The following EBAG9 variants were observed in gnomAD, a reference collection of about 807,000 sequenced individuals.
EBAG9 encodes the protein estrogen receptor binding site associated antigen 9, also known as receptor-binding cancer antigen expressed on SiSo cells.
EBAG9 carries 16 observed loss-of-function variants against 30.9 expected under a neutral mutation model. The observed-to-expected ratio is 0.52, with a 90% CI of 0.35 to 0.79. The LOEUF (loss-of-function observed/expected upper bound fraction) is 0.79. Among genes scored for constraint, EBAG9 ranks in the 30% least tolerant of loss-of-function variants. EBAG9 has a pLI of 0.01. For missense variants in EBAG9, 197 were observed against 242.1 expected, an observed-to-expected ratio of 0.81 and a Z score of 1.24; for synonymous variants, 93 against 82.8, an observed-to-expected ratio of 1.12 and a Z score of -0.67.
chr8:109,553,288 A>G (rs1457807562), intron 2 of EBAG9, among the ~76,000 whole-genome samples: 6 of 152,206 alleles, frequency 3.9e-5, no homozygotes, highest in African/African-American at 1.4e-4. Context: ...AACTAGACAT[A>G]ATAGAAGTAA....
chr8:109,541,441 A>G (rs1051961002), intron 1 of EBAG9, among the ~76,000 whole-genome samples: 4 of 152,118 alleles, frequency 2.6e-5, no homozygotes, highest in Non-Finnish European at 4.4e-5. Flanking sequence ...AAGTCTGTCA[A>G]CCTCATCTAT....
chr8:109,550,084 G>A lies in EBAG9; in HGVS notation c.-15-726G>A, dbSNP rs529471036. Among the ~76,000 whole-genome samples the A allele has an allele frequency of 2.0e-4, 30 of 152,066 alleles. No individual in the cohort carries two copies. The East Asian group carries it at 3.9e-3, about 20-fold the overall frequency. Reference sequence around the variant, plus strand: ...AGATTATTGATATGGTTAGATTTACGTCTGTCATCTTATTTGTTTTTGGCT... The same window carrying A: ...AGATTATTGATATGGTTAGATTTACATCTGTCATCTTATTTGTTTTTGGCT... On this transcript the variant is annotated intron_variant, in intron 1 of 6. Coordinates refer to ENST00000337573, the MANE Select transcript of EBAG9 (RefSeq NM_004215.5).
rs1230681750 is a variant in EBAG9 at position 109,540,266 on chromosome 8, C to G, written c.-211C>G. On this transcript the variant is annotated 5_prime_UTR_variant, in exon 1 of 7. Coordinates refer to ENST00000337573, the MANE Select transcript of EBAG9 (RefSeq NM_004215.5). ...GCACGCAGCCTCCAAAGCCGCCTTC[C>G]TCAGGGAAATTTGCGTGACCTTACT... 1.3e-5 allele frequency: 2 copies of G among 152,526 alleles called. No homozygotes were observed. Among genetic ancestry groups the G allele is most frequent in the African/African-American group, 4.8e-5 (2 of 41,464 alleles). 9.4% of individuals were successfully genotyped at this position (152,526 alleles called of 1,614,324 possible).
At chr8:109,548,507 G>T (rs888186707) in intron 1 of EBAG9, among the ~76,000 whole-genome samples, 1 of 152,134 alleles carries the variant, frequency 6.6e-6, no homozygotes, top group African/African-American at 2.4e-5. Flanking sequence ...AAATTAGCTT[G>T]TCAAGTTTTA....
intron 1 of EBAG9, among the ~76,000 whole-genome samples, chr8:109,546,394 G>GT (rs1377251116): frequency 3.9e-5 from 6 of 152,166 alleles, no homozygotes; most frequent in African/African-American, 1.2e-4. Context: ...AACTGAAGCC[G>GT]TAAGTATATC....
intron 1 of EBAG9, among the ~76,000 whole-genome samples, chr8:109,544,475 T>A (rs893900799): frequency 1.3e-5 from 2 of 152,250 alleles, no homozygotes; most frequent in African/African-American, 4.8e-5. Context: ...TTGTTTCACC[T>A]TGAGCAGAAC....
intron 2 of EBAG9, among the ~76,000 whole-genome samples, chr8:109,551,660 A>G (rs1821497070): frequency 6.6e-6 from 1 of 152,196 alleles, no homozygotes; most frequent in Non-Finnish European, 1.5e-5. Flanking sequence ...TGTTTGAGAT[A>G]AGTTTTTGTT....
In EBAG9 at chr8:109,564,713, C is replaced by T; in HGVS notation, c.*154C>T. 1 of 1,064,868 alleles carries T rather than the reference C, an allele frequency of 9.4e-7. No homozygotes were observed. The allele number at this position is 1,064,868 out of a possible 1,614,324, so 66.0% of individuals were successfully genotyped here. A position where few individuals can be genotyped will look rare whatever the true frequency, so the allele number is the denominator to read the frequency against. On this transcript the variant is annotated 3_prime_UTR_variant, in exon 7 of 7. Transcript: ENST00000337573. ...AGGACACCACGATTCTCCCAAAGTA[C>T]CTTGAACTCTTAGTGATTGAGACTC... is the stretch of plus-strand genomic sequence containing the variant.
chr8:109,554,659 A>G (rs913643774), intron 3 of EBAG9, 70 bp from the exon 4 acceptor site: 1 of 1,476,052 alleles, frequency 6.8e-7, no homozygotes. Flanking sequence ...CCATTTTTCT[A>G]ATAAATCATC....
chr8:109,559,920 T>TA (rs1286468219), intron 5 of EBAG9, among the ~76,000 whole-genome samples: 2 of 152,214 alleles, frequency 1.3e-5, no homozygotes, highest in East Asian at 3.8e-4. Flanking sequence ...TCAGTAGCTT[T>TA]AAAAATCCTC....
Position 109,553,919 on chromosome 8 carries a change from T to C in EBAG9, c.138T>C (p.Val46=). The change falls in exon 3 of 7, where the codon GTT becomes GTC. Residue 46 remains valine (V), a synonymous_variant. Coordinates refer to ENST00000337573, the MANE Select transcript of EBAG9 (RefSeq NM_004215.5). ...ACCAAATAACTTTGCCAACTACAGTTGATTATTCATCAGTTCCTAAGCAGG... is the reference window on the plus strand; with the variant it reads ...ACCAAATAACTTTGCCAACTACAGTCGATTATTCATCAGTTCCTAAGCAGG... ...SGDQITLPTT[V]DYSSVPKQTD... 1 of 1,609,624 alleles carries C rather than the reference T, an allele frequency of 6.2e-7. No homozygotes were observed. The highest frequency in any genetic ancestry group is 2.2e-5 in the East Asian group (1 of 44,676).
rs116459614 is a variant in EBAG9 at position 109,543,692 on chromosome 8, T to C, written c.-16+3231T>C. ...AATATTTTATTAGGTAAAAAGCTGC[T>C]TTTTTCAAGACTTTAGGAGTCTTGA... On this transcript the variant is annotated intron_variant, in intron 1 of 6. Transcript: ENST00000337573. Among the ~76,000 whole-genome samples the C allele has an allele frequency of 9.2e-3, 1,396 of 152,244 alleles. 14 individuals are homozygous for C. The highest frequency in any genetic ancestry group is 0.032 in the African/African-American group (1,310 of 41,544).
chr8:109,542,693 A>G (rs1390245505), intron 1 of EBAG9, among the ~76,000 whole-genome samples: 1 of 152,198 alleles, frequency 6.6e-6, no homozygotes, highest in East Asian at 1.9e-4. Flanking sequence ...GTTCACCATC[A>G]TAATTTTTCA....
chr8:109,548,819 T>A (rs1296223028), intron 1 of EBAG9, among the ~76,000 whole-genome samples: 3 of 151,784 alleles, frequency 2.0e-5, no homozygotes, highest in Non-Finnish European at 2.9e-5. Flanking sequence ...CCACATAGAA[T>A]ATCACACTTT....
At chr8:109,547,581 C>T (rs979870399) in intron 1 of EBAG9, among the ~76,000 whole-genome samples, 13 of 151,390 alleles carry the variant, frequency 8.6e-5, no homozygotes, top group African/African-American at 1.5e-4. Flanking sequence ...TTCAGGTTCA[C>T]GCCATTCTCC....
chr8:109,551,285 GTGT>G (rs2131112373), intron 2 of EBAG9, among the ~76,000 whole-genome samples: 1 of 151,570 alleles, frequency 6.6e-6, no homozygotes, highest in African/African-American at 2.4e-5. Flanking sequence ...TACTACAATA[GTGT>G]TGTTTTTATA....
upstream of EBAG9, chr8:109,539,872 G>C (rs1191913478): frequency 6.6e-6 from 1 of 152,318 alleles, no homozygotes; most frequent in African/African-American, 2.4e-5. Flanking sequence ...CGCGCGGCCC[G>C]CGGCAGCTCG....
intron 1 of EBAG9, among the ~76,000 whole-genome samples, chr8:109,545,696 C>T (rs1821371171): frequency 6.6e-6 from 1 of 152,116 alleles, no homozygotes; most frequent in Non-Finnish European, 1.5e-5. Flanking sequence ...TTATTCCTAT[C>T]ATTGCTATGG....
At chr8:109,543,959 G>A (rs2131098369) in intron 1 of EBAG9, among the ~76,000 whole-genome samples, 1 of 150,222 alleles carries the variant, frequency 6.7e-6, no homozygotes, top group African/African-American at 2.5e-5. Context: ...GAACCCAGGA[G>A]ACAGAGGTTG....
Sources: gnomAD v4.1 joint callset for allele counts (sites outside exome capture counted in the v4.1 genomes callset) on GRCh38, gnomAD v4.1.1 for gene constraint, MANE v1.5 for transcripts, NCBI Gene and HGNC (gene_info 2026-07-23, HGNC 2026-07-21) for gene names.